LRRC49: variants seen among roughly 807,000 people sequenced by gnomAD.
LRRC49 encodes the protein leucine rich repeat containing 49.
A neutral mutation model predicts 83.3 loss-of-function variants in LRRC49; 50 were observed. The ratio of observed to expected loss-of-function variants is 0.60; its 90% CI spans 0.48 to 0.76. LRRC49 has a LOEUF of 0.76. Among genes scored for constraint, LRRC49 ranks in the 30% least tolerant of loss-of-function variants. LRRC49 has a pLI of 0.00. For synonymous variants in LRRC49, 286 were observed against 283.3 expected (o/e 1.01, Z -0.10); for missense variants, 704 against 809.1 (o/e 0.87, Z 1.58).
intron 11 of LRRC49, among the ~76,000 whole-genome samples, chr15:70,987,601 A>G (rs1411406290): frequency 1.3e-4 from 19 of 150,966 alleles, no homozygotes; most frequent in Admixed American, 5.3e-4. Flanking sequence ...TGGATTCATT[A>G]ATTTTTTGAA....
rs536157002 is a variant in LRRC49, at chr15:70,990,400, C to T, written c.1169+6143C>T. 2.0e-3 allele frequency among the ~76,000 whole-genome samples: 308 copies of T among 152,290 alleles called. 1 individual carries two copies. Among genetic ancestry groups the T allele is most frequent in the African/African-American group, 7.0e-3 (293 of 41,562 alleles). ...GTTTGATCTCAGACTGCTGTGCTAGCAATCAGTGAGACTCCGTGGGCATAG... is the reference window on the plus strand; with the variant it reads ...GTTTGATCTCAGACTGCTGTGCTAGTAATCAGTGAGACTCCGTGGGCATAG... On this transcript the variant is annotated intron_variant, in intron 11 of 15. Coordinates refer to ENST00000260382, the MANE Select transcript of LRRC49 (RefSeq NM_017691.5).
At chr15:70,871,988 C>T (rs551229733) in intron 1 of LRRC49, among the ~76,000 whole-genome samples, 4 of 152,026 alleles carry the variant, frequency 2.6e-5, no homozygotes, top group African/African-American at 9.7e-5. Flanking sequence ...ACTTCCCAGA[C>T]GGGATGGCGG....
At chr15:71,030,327 A>G (rs1385242247) in intron 14 of LRRC49, among the ~76,000 whole-genome samples, 1 of 152,104 alleles carries the variant, frequency 6.6e-6, no homozygotes, top group Non-Finnish European at 1.5e-5. Context: ...TTTCTTTAAG[A>G]ATGTTGAATA....
intron 2 of LRRC49, chr15:70,894,476 A>G: frequency 2.6e-6 from 1 of 386,138 alleles, no homozygotes; most frequent in Middle Eastern, 3.8e-4. Flanking sequence ...TTATTTCCCC[A>G]TAATGTCTCT....
chr15:70,984,896 T>G (rs1183952428), intron 11 of LRRC49, among the ~76,000 whole-genome samples: 1 of 150,856 alleles, frequency 6.6e-6, no homozygotes, highest in Non-Finnish European at 1.5e-5. Flanking sequence ...TTTCTGTTCT[T>G]GCGATAGTTT....
chr15:70,990,950 G>A (rs951256559), intron 11 of LRRC49, among the ~76,000 whole-genome samples: 1 of 152,172 alleles, frequency 6.6e-6, no homozygotes, highest in African/African-American at 2.4e-5. Context: ...TTGGTAGGTA[G>A]TTGTTTCATG....
At chr15:70,911,659 A>T (rs2034557746) in intron 6 of LRRC49, 61 bp downstream of exon 6, 3 of 992,926 alleles carry the variant, frequency 3.0e-6, no homozygotes, top group Admixed American at 5.0e-5. Context: ...AATGGTATAA[A>T]AGTTTTAAGA....
chr15:70,886,864 TA>T (rs2033422522), intron 2 of LRRC49, among the ~76,000 whole-genome samples: 1 of 147,808 alleles, frequency 6.8e-6, no homozygotes, highest in African/African-American at 2.5e-5. Flanking sequence ...AGCCTCTGTC[TA>T]AAAAAGAAAA....
At chr15:71,038,943 C>T (rs991020625) in intron 15 of LRRC49, among the ~76,000 whole-genome samples, 5 of 152,088 alleles carry the variant, frequency 3.3e-5, no homozygotes, top group Non-Finnish European at 5.9e-5. Context: ...TGTCCTTGCC[C>T]TCATGGATCT....
At chr15:70,990,505 G>A (rs2037831652) in intron 11 of LRRC49, among the ~76,000 whole-genome samples, 1 of 152,178 alleles carries the variant, frequency 6.6e-6, no homozygotes, top group African/African-American at 2.4e-5. Flanking sequence ...GTATTGGGGT[G>A]GGAGTGACCC....
intron 3 of LRRC49, chr15:70,898,430 T>G: frequency 1.4e-6 from 1 of 702,160 alleles, no homozygotes; most frequent in South Asian, 1.5e-5. Flanking sequence ...GTAGATTTAT[T>G]TGGGAAGACA....
intron 7 of LRRC49, among the ~76,000 whole-genome samples, chr15:70,925,800 CTT>C (rs1413455962): frequency 6.6e-6 from 1 of 152,110 alleles, no homozygotes; most frequent in Non-Finnish European, 1.5e-5. Flanking sequence ...AATATGAAGA[CTT>C]TTCCTTCATA....
chr15:70,909,878 A>ACACACACAC (rs56281773), intron 5 of LRRC49, among the ~76,000 whole-genome samples: 1 of 150,370 alleles, frequency 6.7e-6, no homozygotes, highest in Admixed American at 6.6e-5. Flanking sequence ...ACACACACAC[A>ACACACACAC]AAACAAACAA....
rs192524991 is a variant in LRRC49, at chr15:70,931,561, C to T, written c.712-5200C>T. Among the ~76,000 whole-genome samples, 27 of 152,204 alleles carry T rather than the reference C, an allele frequency of 1.8e-4. No homozygotes were observed. The East Asian group carries it at 5.0e-3, about 28-fold the overall frequency. On this transcript the variant is annotated intron_variant, in intron 7 of 15. Coordinates refer to ENST00000260382, the MANE Select transcript of LRRC49 (RefSeq NM_017691.5). The stretch of plus-strand genomic sequence containing the variant: ...AATTTGTAAAATTTAAAAAAAAGCA[C>T]AATATCTGCAAAGCATAATTAAACG...
chr15:70,998,745 C>T (rs2038158421), intron 11 of LRRC49, among the ~76,000 whole-genome samples: 1 of 142,128 alleles, frequency 7.0e-6, no homozygotes. Flanking sequence ...AAGTTTCTGG[C>T]CATTGTTTTT....
intron 8 of LRRC49, among the ~76,000 whole-genome samples, chr15:70,943,259 T>A (rs1185811534): frequency 1.3e-5 from 2 of 152,022 alleles, no homozygotes; most frequent in Admixed American, 1.3e-4. Context: ...CAGCGGCAAA[T>A]CTATATGGGT....
intron 4 of LRRC49, among the ~76,000 whole-genome samples, chr15:70,904,054 A>G (rs77914184): frequency 9.9e-5 from 15 of 152,148 alleles, no homozygotes; most frequent in African/African-American, 3.6e-4. Flanking sequence ...TGAACTCTAG[A>G]TGACTGAATT....
intron 1 of LRRC49, among the ~76,000 whole-genome samples, chr15:70,856,386 G>C (rs1005123063): frequency 1.3e-5 from 2 of 152,122 alleles, no homozygotes; most frequent in Non-Finnish European, 2.9e-5. Context: ...GCTCGGAGCT[G>C]CTCCTGGTAG....
At chr15:70,885,297 G>A (rs1020316437) in intron 2 of LRRC49, among the ~76,000 whole-genome samples, 1 of 152,078 alleles carries the variant, frequency 6.6e-6, no homozygotes, top group African/African-American at 2.4e-5. Context: ...ACATAAAATG[G>A]GGCAGACGCA....
Sources: allele counts gnomAD v4.1 joint callset (sites outside exome capture counted in the v4.1 genomes callset), GRCh38; gene constraint gnomAD v4.1.1; transcripts MANE v1.5; gene names NCBI Gene and HGNC (gene_info 2026-07-23, HGNC 2026-07-21).